Variants in CMIP observed in about 807,000 individuals in gnomAD.
The protein encoded by CMIP is c-Maf inducing protein.
In CMIP, 13 loss-of-function variants were observed where a neutral mutation model predicts 97.3. That is an observed-to-expected ratio of 0.13 (90% CI 0.09 to 0.21). The LOEUF (loss-of-function observed/expected upper bound fraction) is 0.21, where lower values mean the gene tolerates loss of function less well. Ranked by LOEUF, CMIP falls within the 10% of genes least tolerant of loss-of-function variation. The probability of loss-of-function intolerance (pLI) is 1.00; values close to 1 mark genes in which losing one functional copy is unlikely to be tolerated. For synonymous variants in CMIP, 538 were observed against 436.3 expected, an observed-to-expected ratio of 1.23 and a Z score of -2.91; for missense variants, 847 against 1,024.9, an observed-to-expected ratio of 0.83 and a Z score of 2.37.
intron 7 of CMIP, among the ~76,000 whole-genome samples, chr16:81,667,799 A>AGAGGGTGTGTGTGTGTGTGTGT: frequency 1.7e-5 from 1 of 58,096 alleles, no homozygotes; most frequent in Non-Finnish European, 3.2e-5. Flanking sequence ...AGAGAGAGAG[A>AGAGGGTGTGTGTGTGTGTGTGT]GTGTGTGTGT....
intron 1 of CMIP, among the ~76,000 whole-genome samples, chr16:81,507,702 G>C (rs1335585271): frequency 6.6e-6 from 1 of 152,212 alleles, no homozygotes; most frequent in Non-Finnish European, 1.5e-5. Context: ...ATGTGGAGTG[G>C]AATGCAAATT....
At chr16:81,618,739 T>C (rs2091954710) in intron 2 of CMIP, 1 of 152,252 alleles carries the variant, frequency 6.6e-6, no homozygotes, top group Non-Finnish European at 1.5e-5. Context: ...GGCTTGTTGT[T>C]CCAGAGAGCC....
intron 2 of CMIP, chr16:81,618,675 A>G (rs2091953529): frequency 6.6e-6 from 1 of 152,234 alleles, no homozygotes; most frequent in Non-Finnish European, 1.5e-5. Flanking sequence ...AAGGTGTGGA[A>G]TCAGCCAAAA....
intron 1 of CMIP, among the ~76,000 whole-genome samples, chr16:81,490,055 AC>A (rs2089381094): frequency 6.6e-6 from 1 of 152,030 alleles, no homozygotes; most frequent in South Asian, 2.1e-4. Context: ...AGGGCAAGAG[AC>A]CTGTGGACAC....
Position 81,701,817 on chromosome 16 carries a change from T to C in CMIP, c.1896+17T>C. 1 of 1,612,616 alleles carries C rather than the reference T, an allele frequency of 6.2e-7. No homozygotes were observed. Among genetic ancestry groups the C allele is most frequent in the South Asian group, 1.1e-5 (1 of 91,072 alleles). On this transcript the variant is annotated intron_variant, in intron 16 of 20. Transcript: ENST00000537098. ...AAGGAGCTGGTGAGTCCCCGGCTGC[T>C]CCGGACCACTCCCCTGCCCAGCAGG...
At chr16:81,654,573 C>T (rs921860150) in intron 4 of CMIP, among the ~76,000 whole-genome samples, 4 of 152,220 alleles carry the variant, frequency 2.6e-5, no homozygotes, top group African/African-American at 9.6e-5. Context: ...CATTTAGGGA[C>T]AGAGCTGGGA....
At chr16:81,462,941 A>G (rs1168997206) in intron 1 of CMIP, among the ~76,000 whole-genome samples, 1 of 152,166 alleles carries the variant, frequency 6.6e-6, no homozygotes, top group Non-Finnish European at 1.5e-5. Flanking sequence ...AAAGAATACT[A>G]AGCATGAGAA....
intron 5 of CMIP, 23 bp downstream of exon 5, chr16:81,657,839 C>G (rs1437654156): frequency 6.3e-7 from 1 of 1,592,374 alleles, no homozygotes; most frequent in African/African-American, 1.3e-5. Flanking sequence ...CGAACACGCT[C>G]CCTCCACCCA....
Position 81,596,148 on chromosome 16 carries a change from C to T in CMIP, c.301-11419C>T, listed in dbSNP as rs145156619. On this transcript the variant is annotated intron_variant, in intron 1 of 20. Transcript: ENST00000537098. ...AAAGTGGAGGCTCAGAGATACCAAGCGACTTGCCTAAGGCCAAGTTGTGGA... is the reference window on the plus strand; with the variant it reads ...AAAGTGGAGGCTCAGAGATACCAAGTGACTTGCCTAAGGCCAAGTTGTGGA... Among the ~76,000 whole-genome samples the T allele has an allele frequency of 2.1e-3, 320 of 152,204 alleles. 1 individual carries two copies. The highest frequency in any genetic ancestry group is 6.9e-3 in the African/African-American group (286 of 41,532).
chr16:81,527,008 TG>T (rs2090145517), intron 1 of CMIP, among the ~76,000 whole-genome samples: 1 of 152,246 alleles, frequency 6.6e-6, no homozygotes, highest in Admixed American at 6.5e-5. Flanking sequence ...CTTTGCAGTT[TG>T]GGGCCTGGTT....
chr16:81,523,472 C>G (rs2090068961), intron 1 of CMIP, among the ~76,000 whole-genome samples: 1 of 152,184 alleles, frequency 6.6e-6, no homozygotes, highest in Non-Finnish European at 1.5e-5. Flanking sequence ...TGGTACCCTC[C>G]CAGCACATTT....
chr16:81,499,273 G>T (rs1053033094), intron 1 of CMIP, among the ~76,000 whole-genome samples: 2 of 152,176 alleles, frequency 1.3e-5, no homozygotes, highest in Admixed American at 6.5e-5. Flanking sequence ...CAAGGTCATG[G>T]ATGCACATGC....
chr16:81,681,011 C>A (rs544492841), intron 10 of CMIP, among the ~76,000 whole-genome samples: 1 of 152,320 alleles, frequency 6.6e-6, no homozygotes, highest in South Asian at 2.1e-4. Context: ...GCGTCCAGAC[C>A]CCCTGCCTGC....
intron 1 of CMIP, among the ~76,000 whole-genome samples, chr16:81,561,282 G>T (rs1286421486): frequency 1.3e-5 from 2 of 152,204 alleles, no homozygotes; most frequent in Non-Finnish European, 2.9e-5. Context: ...AATATTTTAG[G>T]TGATCATAGA....
chr16:81,450,907 T>G (rs984629192), intron 1 of CMIP, among the ~76,000 whole-genome samples: 1 of 152,212 alleles, frequency 6.6e-6, no homozygotes, highest in African/African-American at 2.4e-5. Flanking sequence ...GCTGCTCATT[T>G]CTTGTGTATC....
intron 1 of CMIP, among the ~76,000 whole-genome samples, chr16:81,524,726 G>T (rs778924597): frequency 6.6e-6 from 1 of 152,234 alleles, no homozygotes; most frequent in Non-Finnish European, 1.5e-5. Flanking sequence ...TCACAAGTGA[G>T]GCTGTTCCTA....
At chr16:81,695,573 A>G (rs144673880) in intron 13 of CMIP, 53 of 152,236 alleles carry the variant, frequency 3.5e-4, no homozygotes, top group African/African-American at 1.2e-3. Context: ...AGGTGGGGAA[A>G]AGTCCTTTGT....
intron 1 of CMIP, among the ~76,000 whole-genome samples, chr16:81,455,469 A>G (rs1376595659): frequency 6.6e-6 from 1 of 152,188 alleles, no homozygotes; most frequent in East Asian, 1.9e-4. Flanking sequence ...ACGGAGAGGG[A>G]GGCGCAAGCC....
chr16:81,531,810 A>C (rs779407581), intron 1 of CMIP, among the ~76,000 whole-genome samples: 1 of 152,220 alleles, frequency 6.6e-6, no homozygotes, highest in Non-Finnish European at 1.5e-5. Flanking sequence ...GAAACAGAAG[A>C]TGATTGACTA....
Sources: allele counts gnomAD v4.1 joint callset (sites outside exome capture counted in the v4.1 genomes callset), GRCh38; gene constraint gnomAD v4.1.1; transcripts MANE v1.5; gene names NCBI Gene and HGNC (gene_info 2026-07-23, HGNC 2026-07-21).